The following PARD3B variants were observed in gnomAD, a reference collection of about 807,000 sequenced individuals.
PARD3B encodes par-3 family cell polarity regulator beta.
A neutral mutation model predicts 130.2 loss-of-function variants in PARD3B; 103 were observed. The observed-to-expected ratio is 0.79, with a 90% CI of 0.67 to 0.93. The LOEUF is 0.93. Among genes scored for constraint, PARD3B ranks in the 40% least tolerant of loss-of-function variants. The probability of loss-of-function intolerance (pLI) is 0.00; values close to 1 mark genes in which losing one functional copy is unlikely to be tolerated. For synonymous variants in PARD3B, 583 were observed against 553.2 expected (o/e 1.05, Z -0.76); for missense variants, 1,609 against 1,499.2 (o/e 1.07, Z -1.21).
intron 2 of PARD3B, among the ~76,000 whole-genome samples, chr2:204,953,620 C>G (rs547636843): frequency 1.6e-4 from 24 of 152,166 alleles, no homozygotes; most frequent in Middle Eastern, 3.4e-3. Context: ...TCTTTTTGAA[C>G]TTGGAAACTA....
intron 15 of PARD3B, among the ~76,000 whole-genome samples, chr2:205,195,777 C>A (rs2036648699): frequency 1.3e-5 from 2 of 151,652 alleles, no homozygotes; most frequent in Admixed American, 1.3e-4. Flanking sequence ...ATACACAATT[C>A]ATGATGTCTA....
chr2:204,958,720 T>C (rs1183381243), intron 2 of PARD3B, among the ~76,000 whole-genome samples: 2 of 152,164 alleles, frequency 1.3e-5, no homozygotes, highest in Non-Finnish European at 2.9e-5. Flanking sequence ...TTGGGCATGT[T>C]AGGGATATTA....
chr2:205,488,287 A>C (rs1466387244), intron 20 of PARD3B, among the ~76,000 whole-genome samples: 1 of 152,056 alleles, frequency 6.6e-6, no homozygotes, highest in Non-Finnish European at 1.5e-5. Context: ...GTTGGGGAAC[A>C]CAGGGCCAGG....
intron 1 of PARD3B, among the ~76,000 whole-genome samples, chr2:204,563,181 A>C (rs1480498388): frequency 7.8e-6 from 1 of 128,734 alleles, no homozygotes; most frequent in African/African-American, 3.0e-5. Context: ...CATAACTCCA[A>C]TCTCTGCCTC....
At chr2:205,136,045 G>A (rs1157040475) in intron 10 of PARD3B, among the ~76,000 whole-genome samples, 2 of 152,050 alleles carry the variant, frequency 1.3e-5, no homozygotes, top group African/African-American at 4.8e-5. Context: ...AATTATAAAC[G>A]AGTTCAATGA....
At chr2:205,534,228 G>GAGAT (rs1258619316) in intron 21 of PARD3B, among the ~76,000 whole-genome samples, 6 of 152,178 alleles carry the variant, frequency 3.9e-5, no homozygotes, top group East Asian at 1.9e-4. Context: ...TTTGTGAAAA[G>GAGAT]AGATAGACAA....
chr2:204,956,680 C>T (rs1056274425), intron 2 of PARD3B, among the ~76,000 whole-genome samples: 1 of 152,106 alleles, frequency 6.6e-6, no homozygotes, highest in Non-Finnish European at 1.5e-5. Context: ...AGTGAGGCCA[C>T]CTAGTAGATT....
At chr2:204,807,111 C>T (rs563980704) in intron 2 of PARD3B, among the ~76,000 whole-genome samples, 114 of 152,206 alleles carry the variant, frequency 7.5e-4, no homozygotes, top group Non-Finnish European at 4.4e-4. Flanking sequence ...ACCATCAGAT[C>T]TTGTGAGACT....
At chr2:205,213,884 T>A (rs1228733397) in intron 15 of PARD3B, among the ~76,000 whole-genome samples, 1 of 152,140 alleles carries the variant, frequency 6.6e-6, no homozygotes, top group African/African-American at 2.4e-5. Context: ...AGAAAAGGGC[T>A]GTGTGCTTTA....
intron 2 of PARD3B, among the ~76,000 whole-genome samples, chr2:204,730,950 C>T (rs1194106667): frequency 6.6e-6 from 1 of 152,134 alleles, no homozygotes; most frequent in African/African-American, 2.4e-5. Context: ...ACTCTTTGCC[C>T]AGATTTCAGT....
chr2:204,878,054 G>A (rs2045908426), intron 2 of PARD3B, among the ~76,000 whole-genome samples: 1 of 152,120 alleles, frequency 6.6e-6, no homozygotes, highest in African/African-American at 2.4e-5. Context: ...AAATAAAAAT[G>A]TTATTTACTT....
intron 16 of PARD3B, among the ~76,000 whole-genome samples, chr2:205,286,631 G>A (rs77453162): frequency 2.1e-4 from 32 of 152,266 alleles, no homozygotes; most frequent in African/African-American, 7.7e-4. Context: ...CAAACACAGT[G>A]ATAAAACACA....
chr2:205,537,502 C>T (rs1048423740), intron 21 of PARD3B, among the ~76,000 whole-genome samples: 1 of 152,216 alleles, frequency 6.6e-6, no homozygotes, highest in African/African-American at 2.4e-5. Flanking sequence ...GTGAGCATCT[C>T]TCTGAACACA....
At chr2:204,598,753 C>T (rs1043141790) in intron 1 of PARD3B, among the ~76,000 whole-genome samples, 2 of 151,954 alleles carry the variant, frequency 1.3e-5, no homozygotes, top group African/African-American at 4.8e-5. Flanking sequence ...AGTAAACATT[C>T]ATTCTCCCTG....
chr2:204,873,112 T>C (rs2045692533), intron 2 of PARD3B, among the ~76,000 whole-genome samples: 1 of 152,148 alleles, frequency 6.6e-6, no homozygotes, highest in African/African-American at 2.4e-5. Flanking sequence ...AACAGATACA[T>C]AGATAGAGGT....
In PARD3B at chr2:205,267,083, G is replaced by C. The variant is rs1345594137; in HGVS notation, c.2185+21261G>C. On this transcript the variant is annotated intron_variant, in intron 16 of 22. Transcript: ENST00000406610. ...TTTTACTAAAACTCAAGCTAGTCTAGCTCATTGTGAAATTTTACAAATGCA... is the reference window on the plus strand; with the variant it reads ...TTTTACTAAAACTCAAGCTAGTCTACCTCATTGTGAAATTTTACAAATGCA... 2.0e-5 allele frequency among the ~76,000 whole-genome samples: 3 copies of C among 152,120 alleles called. No individual in the cohort carries two copies. The East Asian group carries it at 5.8e-4, about 29-fold the overall frequency.
In PARD3B at chr2:204,945,630, C is replaced by T. The variant is rs1011351100; in HGVS notation, c.223-19522C>T. ...GCAAGCCTAGTTGAATGTTTTCTTC[C>T]CTTAACTGATTTTATAAAATTTTAT... On this transcript the variant is annotated intron_variant, in intron 2 of 22. Transcript: ENST00000406610. Among the ~76,000 whole-genome samples, 3 of 152,146 alleles carry T rather than the reference C, an allele frequency of 2.0e-5. No homozygotes were observed. In the East Asian group the frequency reaches 5.8e-4, roughly 29 times the overall value.
At chr2:204,848,074 A>G (rs2044540914) in intron 2 of PARD3B, among the ~76,000 whole-genome samples, 1 of 152,166 alleles carries the variant, frequency 6.6e-6, no homozygotes, top group Non-Finnish European at 1.5e-5. Flanking sequence ...CATTCACATA[A>G]GTTTTATTAC....
At chr2:204,724,534 G>T (rs2039133931) in intron 2 of PARD3B, among the ~76,000 whole-genome samples, 1 of 152,030 alleles carries the variant, frequency 6.6e-6, no homozygotes, top group African/African-American at 2.4e-5. Context: ...ACTGTTTTGG[G>T]TGACCTCGGT....
Sources: gnomAD v4.1 joint callset for allele counts (sites outside exome capture counted in the v4.1 genomes callset) on GRCh38, gnomAD v4.1.1 for gene constraint, MANE v1.5 for transcripts, NCBI Gene and HGNC (gene_info 2026-07-23, HGNC 2026-07-21) for gene names.